ADAM28: variants seen among roughly 807,000 people sequenced by gnomAD.
The protein encoded by ADAM28 is ADAM metallopeptidase domain 28.
ADAM28 carries 105 observed loss-of-function variants against 101.2 expected under a neutral mutation model. The ratio of observed to expected loss-of-function variants is 1.04; its 90% confidence interval spans 0.89 to 1.22. ADAM28 has a LOEUF of 1.22. Among genes scored for constraint, ADAM28 ranks in the 50% most tolerant of loss-of-function variants. ADAM28 has a pLI of 0.00. For synonymous variants in ADAM28, 322 were observed against 310.6 expected, an observed-to-expected ratio of 1.04 and a Z score of -0.39; for missense variants, 1,028 against 945.4, an observed-to-expected ratio of 1.09 and a Z score of -1.15.
intron 8 of ADAM28, chr8:24,322,655 T>A (rs748174870): frequency 6.6e-6 from 1 of 151,970 alleles, no homozygotes; most frequent in Non-Finnish European, 1.5e-5. Context: ...GATTGGAGTT[T>A]TGTCAGGTGA....
chr8:24,318,816 G>A (rs59885685), intron 6 of ADAM28, among the ~76,000 whole-genome samples: 8,775 of 151,970 alleles, frequency 0.058, 394 homozygotes, highest in African/African-American at 0.12. Flanking sequence ...ACCCCAAGGT[G>A]CCATCTCATA....
At chr8:24,316,396 A>T (rs994425242) in intron 6 of ADAM28, among the ~76,000 whole-genome samples, 1 of 152,038 alleles carries the variant, frequency 6.6e-6, no homozygotes, top group Admixed American at 6.6e-5. Context: ...TTGAATGGAC[A>T]TAATCATAGG....
Position 24,331,228 on chromosome 8 carries a change from C to A in ADAM28, c.1182C>A (p.Cys394Ter). 6.2e-7 allele frequency: 1 copy of A among 1,613,372 alleles called. No homozygotes were observed. The highest frequency in any genetic ancestry group is 8.5e-7 in the Non-Finnish European group (1 of 1,179,568). Residue 394 changes from cysteine (C) to a stop codon, truncating the protein, a stop_gained, in exon 12 of 23, where the codon TGC (cysteine) becomes TGA (stop). Coordinates refer to ENST00000265769, the MANE Select transcript of ADAM28 (RefSeq NM_014265.6). LOFTEE classifies it high-confidence loss of function. ...TTTTTGAAGATAAATTATCAAATTG[C>A]CTCTTTAATGCTCCATTGCCTACAG... ...DKFFEDKLSN[C>*]LFNAPLPTDI... is the part of the protein sequence containing the mutation.
chr8:24,352,299 T>C (rs1816254446), intron 21 of ADAM28, among the ~76,000 whole-genome samples: 1 of 152,220 alleles, frequency 6.6e-6, no homozygotes, highest in African/African-American at 2.4e-5. Context: ...ACTGTTTTCA[T>C]CAGCTCAGGC....
chr8:24,356,656 T>G lies in ADAM28; in HGVS notation c.*2252T>G, dbSNP rs1283264443. ...AATACTGTTTCCACACTTACTTATA[T>G]CCGTAACTTTCTAACTTTAAGGGAA... On this transcript the variant is annotated 3_prime_UTR_variant, in exon 23 of 23. Coordinates refer to ENST00000265769, the MANE Select transcript of ADAM28 (RefSeq NM_014265.6). 2 of 152,164 alleles carry G rather than the reference T, an allele frequency of 1.3e-5. No individual in the cohort carries two copies. The highest frequency in any genetic ancestry group is 2.4e-5 in the African/African-American group (1 of 41,434). 9.4% of individuals were successfully genotyped at this position (152,164 alleles called of 1,614,324 possible).
intron 13 of ADAM28, among the ~76,000 whole-genome samples, 194 bp from the exon 14 acceptor site, chr8:24,335,252 G>A (rs1813865551): frequency 6.6e-6 from 1 of 151,454 alleles, no homozygotes; most frequent in Non-Finnish European, 1.5e-5. Context: ...TAAAAACTTA[G>A]GGCATTAACC....
intron 20 of ADAM28, 175 bp downstream of exon 20, chr8:24,351,485 A>T: frequency 1.4e-6 from 1 of 706,148 alleles, no homozygotes; most frequent in Non-Finnish European, 2.5e-6. Context: ...TGCCGAGGCT[A>T]CTTTGCCGGG....
intron 1 of ADAM28, among the ~76,000 whole-genome samples, chr8:24,297,160 T>TG (rs1808077618): frequency 8.8e-6 from 1 of 114,070 alleles, no homozygotes; most frequent in African/African-American, 3.2e-5. Context: ...ATGTTGTGGG[T>TG]TTTTTTTTGT....
chr8:24,309,606 A>G (rs1810169741), intron 2 of ADAM28, among the ~76,000 whole-genome samples: 1 of 152,202 alleles, frequency 6.6e-6, no homozygotes, highest in South Asian at 2.1e-4. Flanking sequence ...AGAATTTTCA[A>G]AACCAAGCAG....
chr8:24,333,158 G>A (rs969327564), intron 13 of ADAM28, among the ~76,000 whole-genome samples: 1 of 152,096 alleles, frequency 6.6e-6, no homozygotes, highest in Non-Finnish European at 1.5e-5. Flanking sequence ...GTTTACCAAG[G>A]GCAAGGAGGC....
At chr8:24,338,611 A>G (rs994614111) in intron 14 of ADAM28, among the ~76,000 whole-genome samples, 2 of 152,222 alleles carry the variant, frequency 1.3e-5, no homozygotes, top group African/African-American at 4.8e-5. Context: ...TATCTTACAC[A>G]TTGAAACATG....
At chr8:24,346,268 A>G (rs1030137394) in intron 18 of ADAM28, among the ~76,000 whole-genome samples, 5 of 152,110 alleles carry the variant, frequency 3.3e-5, no homozygotes, top group South Asian at 2.1e-4. Context: ...TTTGTCACCA[A>G]TAGAAATTAC....
At chr8:24,341,868 C>T (rs990706994) in intron 16 of ADAM28, 111 bp downstream of exon 16, 36 of 1,360,466 alleles carry the variant, frequency 2.6e-5, no homozygotes, top group South Asian at 5.1e-5. Flanking sequence ...TTTTGGGGTT[C>T]GCCATGCCTT....
At chr8:24,304,442 A>G (rs946936404) in intron 2 of ADAM28, among the ~76,000 whole-genome samples, 6 of 152,048 alleles carry the variant, frequency 3.9e-5, no homozygotes, top group Admixed American at 6.6e-5. Context: ...TTCTCTCTGT[A>G]TAAATTTAGA....
chr8:24,339,500 G>C lies in ADAM28; in HGVS notation c.1602G>C (p.Arg534Ser), dbSNP rs149601299. 6.2e-7 allele frequency: 1 copy of C among 1,613,506 alleles called. No individual in the cohort carries two copies. Among genetic ancestry groups the C allele is most frequent in the East Asian group, 2.2e-5 (1 of 44,836 alleles). Reference protein sequence around the residue: ...TEVADKSCYNRNEGGSKYGYC... With the variant: ...TEVADKSCYNSNEGGSKYGYC... ...TTGCAGATAAGTCATGTTACAACAG[G>C]AATGAAGGTGGGTCAAAGTACGGGT... The change falls in exon 15 of 23, where the codon AGG (arginine) becomes AGC (serine). Residue 534 changes from arginine to serine, a missense_variant. Physicochemically the swap from Arg to Ser is moderately radical, Grantham distance 110. Coordinates refer to ENST00000265769, the MANE Select transcript of ADAM28 (RefSeq NM_014265.6).
chr8:24,340,401 T>C (rs773433663), intron 15 of ADAM28, among the ~76,000 whole-genome samples: 4 of 152,088 alleles, frequency 2.6e-5, no homozygotes, highest in African/African-American at 4.8e-5. Flanking sequence ...TGTGGTCTCT[T>C]CTTTATAGGA....
chr8:24,351,178 G>A (rs1233483715), intron 19 of ADAM28, 54 bp from the exon 20 acceptor site: 32 of 1,388,520 alleles, frequency 2.3e-5, no homozygotes, highest in Non-Finnish European at 2.9e-5. Flanking sequence ...GAGTTTCCCT[G>A]TCATGCTGAA....
At chr8:24,331,369 A>G (rs1251454335) in intron 12 of ADAM28, 42 bp downstream of exon 12, 4 of 1,545,048 alleles carry the variant, frequency 2.6e-6, no homozygotes, top group East Asian at 4.6e-5. Flanking sequence ...TTGGTTTTTC[A>G]GTTGCTAAGA....
rs28394126 is a variant in ADAM28 at position 24,329,908 on chromosome 8, A to G, written c.973-77A>G. 2.8e-3 allele frequency: 4,170 copies of G among 1,481,990 alleles called. 108 individuals carry two copies. The African/African-American group carries it at 0.05, about 18-fold the overall frequency. 91.8% of individuals were successfully genotyped at this position (1,481,990 alleles called of 1,614,324 possible). A position where few individuals can be genotyped will look rare whatever the true frequency, so the allele number is the denominator to read the frequency against. On this transcript the variant is annotated intron_variant, in intron 10 of 22. Transcript: ENST00000265769. The stretch of plus-strand genomic sequence containing the variant: ...GTGTGAGAGAGAGAGAGAGAGAGAG[A>G]GAGAGAGATGGCAAGTAGAGTGATG...
Sources: gnomAD v4.1 joint callset for allele counts (sites outside exome capture counted in the v4.1 genomes callset) on GRCh38, gnomAD v4.1.1 for gene constraint, MANE v1.5 for transcripts, NCBI Gene and HGNC (gene_info 2026-07-23, HGNC 2026-07-21) for gene names.